Variants in UIMC1 observed in about 807,000 individuals in gnomAD.
The protein encoded by UIMC1 is ubiquitin interaction motif containing 1.
In UIMC1, 42 loss-of-function variants were observed where a neutral mutation model predicts 84.9. The ratio of observed to expected loss-of-function variants is 0.49; its 90% CI spans 0.39 to 0.64. The LOEUF (loss-of-function observed/expected upper bound fraction) is 0.64. Among genes scored for constraint, UIMC1 ranks in the 30% least tolerant of loss-of-function variants. UIMC1 has a pLI of 0.00. For synonymous variants in UIMC1, 281 were observed against 293.0 expected (o/e 0.96, Z 0.42); for missense variants, 825 against 847.6 (o/e 0.97, Z 0.33).
intron 1 of UIMC1, among the ~76,000 whole-genome samples, chr5:177,016,141 G>A (rs1036168194): frequency 1.3e-5 from 2 of 151,834 alleles, no homozygotes; most frequent in African/African-American, 4.8e-5. Context: ...AAGGTGGGGG[G>A]ATCACCTGAG....
chr5:177,001,584 C>T (rs911338564), intron 1 of UIMC1: 3 of 151,948 alleles, frequency 2.0e-5, no homozygotes, highest in Non-Finnish European at 4.4e-5. Flanking sequence ...CATAAACAAG[C>T]TTATTCTAAA....
intron 3 of UIMC1, among the ~76,000 whole-genome samples, chr5:176,972,072 C>G (rs1327997643): frequency 2.0e-5 from 3 of 152,086 alleles, no homozygotes; most frequent in Non-Finnish European, 4.4e-5. Context: ...AGCTATACTA[C>G]TGGGTAACCA....
At chr5:176,960,143 A>G (rs1767161332) in intron 6 of UIMC1, among the ~76,000 whole-genome samples, 1 of 152,228 alleles carries the variant, frequency 6.6e-6, no homozygotes, top group Non-Finnish European at 1.5e-5. Flanking sequence ...AAACCATTAA[A>G]TTATTTTAAA....
intron 1 of UIMC1, among the ~76,000 whole-genome samples, chr5:176,988,548 A>G (rs1480653760): frequency 6.6e-6 from 1 of 152,162 alleles, no homozygotes; most frequent in Non-Finnish European, 1.5e-5. Context: ...CTTAATGGAT[A>G]TAAGGTTTAT....
rs113444399 is a variant in UIMC1, at chr5:176,997,542, G to A, written c.-9+9108C>T. Among the ~76,000 whole-genome samples the A allele has an allele frequency of 4.3e-3, 652 of 152,032 alleles. 10 individuals are homozygous for A. Among genetic ancestry groups the A allele is most frequent in the African/African-American group, 0.014 (598 of 41,460 alleles). Reference sequence around the variant, plus strand: ...TACTAAAATTACAAAAAAATTAGCCGGGCGTGGTGGCGGGCCCCTGTAGTC... The same window carrying A: ...TACTAAAATTACAAAAAAATTAGCCAGGCGTGGTGGCGGGCCCCTGTAGTC... On this transcript the variant is annotated intron_variant, in intron 1 of 14. Coordinates refer to ENST00000511320, the MANE Select transcript of UIMC1 (RefSeq NM_001199298.2).
At chr5:176,951,992 T>C (rs1472414141) in intron 8 of UIMC1, among the ~76,000 whole-genome samples, 2 of 152,230 alleles carry the variant, frequency 1.3e-5, no homozygotes, top group African/African-American at 2.4e-5. Context: ...CTCATATAAA[T>C]AGAATCACAT....
At chr5:176,984,123 A>G (rs1771546619) in intron 1 of UIMC1, among the ~76,000 whole-genome samples, 1 of 108,596 alleles carries the variant, frequency 9.2e-6, no homozygotes, top group Non-Finnish European at 1.8e-5. Flanking sequence ...CCTGTCTGGA[A>G]AGTGAGGAGT....
chr5:176,992,759 T>C (rs1399271913), intron 1 of UIMC1, among the ~76,000 whole-genome samples: 1 of 152,064 alleles, frequency 6.6e-6, no homozygotes, highest in Non-Finnish European at 1.5e-5. Flanking sequence ...TGAGATGTGG[T>C]CATGCTACTG....
At chr5:176,959,394 T>C (rs1561826019) in intron 6 of UIMC1, among the ~76,000 whole-genome samples, 1 of 152,214 alleles carries the variant, frequency 6.6e-6, no homozygotes, top group Non-Finnish European at 1.5e-5. Context: ...GGCTAAAGCA[T>C]ATCTCAAACC....
At chr5:177,001,306 A>G (rs973066097) in intron 1 of UIMC1, 1 of 152,190 alleles carries the variant, frequency 6.6e-6, no homozygotes, top group Admixed American at 6.5e-5. Context: ...TTTGTCGAAA[A>G]TGAGTTCACT....
chr5:176,990,294 G>A (rs900281401), intron 1 of UIMC1, among the ~76,000 whole-genome samples: 3 of 152,006 alleles, frequency 2.0e-5, no homozygotes, highest in African/African-American at 4.8e-5. Context: ...GAACCTGTTT[G>A]CCCCTTTTAC....
intron 6 of UIMC1, among the ~76,000 whole-genome samples, chr5:176,966,193 A>T (rs1476003869): frequency 6.6e-6 from 1 of 152,224 alleles, no homozygotes; most frequent in Non-Finnish European, 1.5e-5. Flanking sequence ...ATGACCTTTG[A>T]TCCCTTAGAG....
In UIMC1 at chr5:176,943,369, G is replaced by T; in HGVS notation, c.1563C>A (p.Ala521=). The T allele has an allele frequency of 6.2e-7, 1 of 1,614,102 alleles. No individual in the cohort carries two copies. Among genetic ancestry groups the T allele is most frequent in the South Asian group, 1.1e-5 (1 of 91,072 alleles). ...CCTCCATCAGACCATTGCAGTACATGGCATGTCGTTCAATCTTTGTGGGTG... is the reference window on the plus strand; with the variant it reads ...CCTCCATCAGACCATTGCAGTACATTGCATGTCGTTCAATCTTTGTGGGTG... The part of the protein sequence containing the change: ...CFPPTKIERH[A]MYCNGLMEED... Residue 521 remains alanine (A), a synonymous_variant, in exon 10 of 15, where the codon GCC becomes GCA. Transcript: ENST00000511320.
At chr5:176,947,686 T>C (rs1055456206) in intron 9 of UIMC1, among the ~76,000 whole-genome samples, 4 of 151,488 alleles carry the variant, frequency 2.6e-5, no homozygotes, top group East Asian at 1.9e-4. Flanking sequence ...GGCGTGGTGG[T>C]GGGCGCCTGT....
intron 10 of UIMC1, among the ~76,000 whole-genome samples, chr5:176,941,490 T>A (rs902118193): frequency 6.6e-6 from 1 of 152,214 alleles, no homozygotes; most frequent in African/African-American, 2.4e-5. Context: ...AAATTAAGTG[T>A]TTATGTACTT....
chr5:177,000,489 C>G (rs986865190), intron 1 of UIMC1, among the ~76,000 whole-genome samples: 6 of 137,444 alleles, frequency 4.4e-5, no homozygotes, highest in African/African-American at 1.5e-4. Context: ...CTGTTTTCCA[C>G]TTGCATGTCT....
chr5:176,950,739 G>A (rs1211248949), intron 9 of UIMC1, among the ~76,000 whole-genome samples: 4 of 151,752 alleles, frequency 2.6e-5, no homozygotes, highest in African/African-American at 4.8e-5. Flanking sequence ...GCATGGTGTC[G>A]TGCACCTGTA....
chr5:176,909,813 A>G (rs770332626), intron 11 of UIMC1, among the ~76,000 whole-genome samples: 3 of 152,238 alleles, frequency 2.0e-5, no homozygotes, highest in Non-Finnish European at 2.9e-5. Context: ...CATGAGAGAC[A>G]GAAGTACTGC....
chr5:176,975,502 C>T, intron 2 of UIMC1, 22 bp from the exon 3 acceptor site: 1 of 1,612,968 alleles, frequency 6.2e-7, no homozygotes, highest in Non-Finnish European at 8.5e-7. Context: ...CAAGAAATAT[C>T]ATCAGTGTGG....
Sources: allele counts gnomAD v4.1 joint callset (sites outside exome capture counted in the v4.1 genomes callset), GRCh38; gene constraint gnomAD v4.1.1; transcripts MANE v1.5; gene names NCBI Gene and HGNC (gene_info 2026-07-23, HGNC 2026-07-21).